Variants in KSR2 observed in about 807,000 individuals in gnomAD.
KSR2 encodes kinase suppressor of ras 2.
A neutral mutation model predicts 107.8 loss-of-function variants in KSR2; 25 were observed. That is an observed-to-expected ratio of 0.23 (90% CI 0.17 to 0.32). The LOEUF (loss-of-function observed/expected upper bound fraction) is 0.32. Ranked by LOEUF, KSR2 falls within the 10% of genes least tolerant of loss-of-function variation. The pLI is 1.00. For synonymous variants in KSR2, 480 were observed against 507.0 expected (o/e 0.95, Z 0.71); for missense variants, 887 against 1,268.9 (o/e 0.70, Z 4.57).
At chr12:117,764,367 G>C (rs140556794) in intron 3 of KSR2, among the ~76,000 whole-genome samples, 58 of 152,164 alleles carry the variant, frequency 3.8e-4, no homozygotes, top group Non-Finnish European at 7.6e-4. Context: ...TGTGTGCAAA[G>C]GGTCATTTTG....
chr12:117,799,062 G>A (rs1432878818), intron 3 of KSR2, among the ~76,000 whole-genome samples: 1 of 152,142 alleles, frequency 6.6e-6, no homozygotes, highest in African/African-American at 2.4e-5. Flanking sequence ...GCCAGGGGCT[G>A]GGAAAAAGAG....
intron 1 of KSR2, among the ~76,000 whole-genome samples, chr12:117,894,333 GA>G (rs1178215704): frequency 6.6e-6 from 1 of 152,154 alleles, no homozygotes; most frequent in Non-Finnish European, 1.5e-5. Flanking sequence ...TGTTTATCAT[GA>G]ACTTTTGTAT....
At chr12:117,951,824 C>G (rs1234551655) in intron 1 of KSR2, among the ~76,000 whole-genome samples, 2 of 152,150 alleles carry the variant, frequency 1.3e-5, no homozygotes, top group African/African-American at 2.4e-5. Context: ...GAATCCAACT[C>G]AACAGAAGGA....
chr12:117,467,924 T>TTA, intron 19 of KSR2: 1 of 126,476 alleles, frequency 7.9e-6, no homozygotes, highest in South Asian at 9.5e-5. Context: ...CCTGTGTTTT[T>TTA]TTTTTTTTTT....
chr12:117,843,486 C>A (rs1238519805), intron 3 of KSR2, among the ~76,000 whole-genome samples: 3 of 152,212 alleles, frequency 2.0e-5, no homozygotes, highest in African/African-American at 7.2e-5. Flanking sequence ...TTCCATGGCA[C>A]CCGTGTTTCC....
At chr12:117,725,764 G>A (rs1887400836) in intron 4 of KSR2, among the ~76,000 whole-genome samples, 1 of 152,138 alleles carries the variant, frequency 6.6e-6, no homozygotes, top group South Asian at 2.1e-4. Flanking sequence ...TGGCCAACAT[G>A]GTGAAACCCT....
chr12:117,465,390 T>C lies in KSR2; in HGVS notation c.*1809A>G, dbSNP rs975633909. 1.3e-5 allele frequency: 2 copies of C among 152,178 alleles called. No homozygotes were observed. The highest frequency in any genetic ancestry group is 2.4e-5 in the African/African-American group (1 of 41,434). The allele number at this position is 152,178 out of a possible 1,614,324, so 9.4% of individuals were successfully genotyped here. On this transcript the variant is annotated 3_prime_UTR_variant, in exon 20 of 20. Transcript: ENST00000339824. ...GAGCAGCCCAAGCCGGGGTCTTTAG[T>C]CCTCTAGTCCCAGTAAGCTGGGAGT...
intron 3 of KSR2, among the ~76,000 whole-genome samples, chr12:117,853,515 T>C (rs1392176829): frequency 6.6e-6 from 1 of 151,990 alleles, no homozygotes; most frequent in Non-Finnish European, 1.5e-5. Context: ...GCTAATTTTC[T>C]TTTTTTGGTA....
At position 117,627,025 on chromosome 12, in the gene KSR2, C is replaced by CTTTT. The variant is rs201042072; in HGVS notation, c.1171+40445_1171+40448dup. ...TCAGAAACCAGGATTGCAACCCCTG[C>CTTTT]TTTTTTTTTTTGCTTTCCATTTGCT... On this transcript the variant is annotated intron_variant, in intron 5 of 19. Transcript: ENST00000339824. Among the ~76,000 whole-genome samples the CTTTT allele has an allele frequency of 8.3e-4, 120 of 144,732 alleles. 1 individual carries two copies. The highest frequency in any genetic ancestry group is 2.8e-3 in the African/African-American group (112 of 39,836). 94.9% of individuals were successfully genotyped at this position (144,732 alleles called of 152,430 possible).
At chr12:117,847,749 T>C (rs1004669250) in intron 3 of KSR2, among the ~76,000 whole-genome samples, 1 of 152,144 alleles carries the variant, frequency 6.6e-6, no homozygotes, top group Non-Finnish European at 1.5e-5. Context: ...GCATCCCCAC[T>C]GGGCACCCAT....
intron 3 of KSR2, among the ~76,000 whole-genome samples, chr12:117,845,163 G>A (rs370876401): frequency 3.4e-4 from 51 of 152,170 alleles, no homozygotes; most frequent in East Asian, 3.3e-3. Context: ...AAAAACCGGC[G>A]TCATAGTATT....
chr12:117,640,737 T>C (rs1008179107), intron 5 of KSR2, among the ~76,000 whole-genome samples: 5 of 152,124 alleles, frequency 3.3e-5, no homozygotes, highest in Non-Finnish European at 7.4e-5. Flanking sequence ...TACCCCTCCA[T>C]GGCAAACAGC....
chr12:117,781,726 G>C (rs1889895911), intron 3 of KSR2, among the ~76,000 whole-genome samples: 1 of 152,030 alleles, frequency 6.6e-6, no homozygotes, highest in Non-Finnish European at 1.5e-5. Flanking sequence ...TATTTTACTG[G>C]CTTGACCTAA....
At chr12:117,605,435 G>T (rs1488231101) in intron 5 of KSR2, among the ~76,000 whole-genome samples, 1 of 151,984 alleles carries the variant, frequency 6.6e-6, no homozygotes, top group South Asian at 2.1e-4. Context: ...GGATGTACAG[G>T]CTTGTTACAT....
chr12:117,560,375 C>A (rs1213364008), intron 7 of KSR2, among the ~76,000 whole-genome samples: 1 of 151,552 alleles, frequency 6.6e-6, no homozygotes, highest in Non-Finnish European at 1.5e-5. Context: ...GCTCTGAATT[C>A]CTCTCTGAAA....
rs116888433 is a variant in KSR2 at position 117,677,901 on chromosome 12, T to G, written c.987-10243A>C. 2.0e-3 allele frequency among the ~76,000 whole-genome samples: 299 copies of G among 152,196 alleles called. 4 individuals carry two copies. The East Asian group carries it at 0.02, about 10-fold the overall frequency. On this transcript the variant is annotated intron_variant, in intron 4 of 19. Coordinates refer to ENST00000339824, the MANE Select transcript of KSR2 (RefSeq NM_173598.6). The stretch of plus-strand genomic sequence containing the variant: ...AACAAGCCTTGCAGGTGGTTCCATC[T>G]CACAGATGAAGAAACCGAGTCCAGA...
intron 4 of KSR2, among the ~76,000 whole-genome samples, chr12:117,726,154 C>T (rs575451794): frequency 1.3e-5 from 2 of 151,510 alleles, no homozygotes; most frequent in Admixed American, 6.6e-5. Flanking sequence ...GGTGACAGAG[C>T]GAGACTCCAT....
chr12:117,947,966 G>A (rs1326261116), intron 1 of KSR2, among the ~76,000 whole-genome samples: 1 of 151,998 alleles, frequency 6.6e-6, no homozygotes, highest in East Asian at 1.9e-4. Flanking sequence ...TGAGTTGAGA[G>A]ACAGATTTAA....
intron 7 of KSR2, among the ~76,000 whole-genome samples, chr12:117,571,320 C>T (rs1878881706): frequency 6.6e-6 from 1 of 152,116 alleles, no homozygotes; most frequent in South Asian, 2.1e-4. Flanking sequence ...AGGGAGAAGC[C>T]AGGCATGGAT....
Sources: allele counts gnomAD v4.1 joint callset (sites outside exome capture counted in the v4.1 genomes callset), GRCh38; gene constraint gnomAD v4.1.1; transcripts MANE v1.5; gene names NCBI Gene and HGNC (gene_info 2026-07-23, HGNC 2026-07-21).